Variants in SCNN1B observed in about 807,000 individuals in gnomAD.
The protein encoded by SCNN1B is sodium channel epithelial 1 subunit beta, also known as epithelial sodium channel subunit beta.
Under a neutral mutation model 65.3 loss-of-function variants are expected in SCNN1B, and 46 were observed. That is an observed-to-expected ratio of 0.70 (90% confidence interval 0.56 to 0.90). The LOEUF is 0.90. Among genes scored for constraint, SCNN1B ranks in the 40% least tolerant of loss-of-function variants. SCNN1B has a pLI of 0.00. For missense variants in SCNN1B, 751 were observed against 830.5 expected, an observed-to-expected ratio of 0.90 and a Z score of 1.18; for synonymous variants, 349 against 330.6, an observed-to-expected ratio of 1.06 and a Z score of -0.60.
intron 7 of SCNN1B, chr16:23,372,258 C>T (rs1379369752): frequency 8.8e-6 from 3 of 342,706 alleles, no homozygotes; most frequent in Non-Finnish European, 1.7e-5. Context: ...CTTTCAACTG[C>T]CTCCTGCCAT....
chr16:23,346,200 CTTT>C (rs753802362), intron 1 of SCNN1B, among the ~76,000 whole-genome samples: 27 of 78,002 alleles, frequency 3.5e-4, no homozygotes, highest in African/African-American at 1.5e-3. Context: ...TTTTCCTTTT[CTTT>C]TTTTTTTTTT....
chr16:23,338,976 A>G (rs62029378), intron 1 of SCNN1B, among the ~76,000 whole-genome samples: 21,648 of 152,152 alleles, frequency 0.14, 2,088 homozygotes, highest in African/African-American at 0.28. Context: ...CCCATTCAAG[A>G]TCTAGAATAT....
chr16:23,305,548 A>ATATATAT (rs1961184537), intron 1 of SCNN1B, among the ~76,000 whole-genome samples: 20 of 35,222 alleles, frequency 5.7e-4, no homozygotes, highest in African/African-American at 7.6e-4. Context: ...ATATATATAT[A>ATATATAT]TATATATATA....
chr16:23,305,524 AATATATATATTATATAT>A (rs1261959154), intron 1 of SCNN1B, among the ~76,000 whole-genome samples: 66 of 4,886 alleles, frequency 0.014, 1 homozygote, highest in Admixed American at 0.023. Flanking sequence ...ATCTCTACCA[AATATATATATTATATAT>A]ATATATATAT....
chr16:23,305,428 G>A (rs1209775344), intron 1 of SCNN1B, among the ~76,000 whole-genome samples: 1 of 149,066 alleles, frequency 6.7e-6, no homozygotes, highest in East Asian at 2.0e-4. Flanking sequence ...CAAGGAGGGT[G>A]GGTTGTTTGA....
intron 4 of SCNN1B, among the ~76,000 whole-genome samples, chr16:23,361,628 T>C (rs376233614): frequency 3.3e-5 from 5 of 152,360 alleles, no homozygotes; most frequent in East Asian, 1.9e-4. Flanking sequence ...TAAATTCTTC[T>C]AGCTTTGGCC....
chr16:23,325,968 G>A (rs576890814), intron 1 of SCNN1B, among the ~76,000 whole-genome samples: 79 of 152,016 alleles, frequency 5.2e-4, no homozygotes, highest in South Asian at 8.3e-4. Context: ...TTAGCTACTC[G>A]GGAGACTGAG....
chr16:23,310,290 CAAAAAAAAA>C (rs202228096), intron 1 of SCNN1B, among the ~76,000 whole-genome samples: 25,077 of 93,186 alleles, frequency 0.27, 2,416 homozygotes, highest in Middle Eastern at 0.42. Context: ...TCTGCATGAC[CAAAAAAAAA>C]AAAAAAAAAA....
At chr16:23,322,137 T>C (rs1327838046) in intron 1 of SCNN1B, among the ~76,000 whole-genome samples, 1 of 152,204 alleles carries the variant, frequency 6.6e-6, no homozygotes, top group Non-Finnish European at 1.5e-5. Context: ...TGTTTGTTTG[T>C]TTGTTTTATG....
chr16:23,355,209 G>A, intron 3 of SCNN1B, 90 bp from the exon 4 acceptor site: 1 of 1,327,626 alleles, frequency 7.5e-7, no homozygotes, highest in East Asian at 2.3e-5. Context: ...GCAAAGCACA[G>A]CTCTTGCCCT....
rs1962246672 is a variant in SCNN1B at position 23,348,869 on chromosome 16, G to A, written c.270G>A (p.Met90Ile). 4.3e-6 allele frequency: 7 copies of A among 1,614,112 alleles called. No individual in the cohort carries two copies. Among genetic ancestry groups the A allele is most frequent in the Non-Finnish European group, 5.9e-6 (7 of 1,180,016 alleles). ...CCCTCTCCGTAGGCTTCAAGACCAT[G>A]GACTTCCCTGCCGTCACCATCTGCA... ...SVSLSVGFKT[M>I]DFPAVTICNA... Residue 90 changes from methionine to isoleucine, a missense_variant, in exon 2 of 13, where the codon ATG becomes ATA. Transcript: ENST00000343070. This position sits in a 1 kb window ranked among gnomAD's most constrained non-coding sequence, Gnocchi z 4.5.
chr16:23,351,300 C>G (rs1962303928), intron 2 of SCNN1B, among the ~76,000 whole-genome samples: 1 of 152,144 alleles, frequency 6.6e-6, no homozygotes, highest in Non-Finnish European at 1.5e-5. Context: ...CTCTGGGTTA[C>G]TTATTTTTAT....
At chr16:23,296,344 GC>G (rs1426867337) in intron 2 of SCNN1B, among the ~76,000 whole-genome samples, 15 of 152,252 alleles carry the variant, frequency 9.9e-5, no homozygotes, top group Non-Finnish European at 1.5e-5. Flanking sequence ...CGGGAAATTG[GC>G]CTTTGTATGT....
chr16:23,379,696 C>T (rs1962996774), intron 11 of SCNN1B, among the ~76,000 whole-genome samples: 1 of 152,094 alleles, frequency 6.6e-6, no homozygotes, highest in African/African-American at 2.4e-5. Context: ...ACCCTGATGG[C>T]ACAAAGTGGG....
At chr16:23,331,615 C>T (rs534846777) in intron 1 of SCNN1B, among the ~76,000 whole-genome samples, 24 of 152,260 alleles carry the variant, frequency 1.6e-4, no homozygotes, top group Non-Finnish European at 2.8e-4. Flanking sequence ...CCACCACGCC[C>T]GGCCTCCTGG....
chr16:23,283,369 A>C (rs58187815), intron 1 of SCNN1B, among the ~76,000 whole-genome samples: 6,932 of 152,244 alleles, frequency 0.046, 524 homozygotes, highest in African/African-American at 0.16. Flanking sequence ...CAAGATCACG[A>C]CACTGCACTC....
chr16:23,372,572 G>A (rs142909276), intron 7 of SCNN1B, among the ~76,000 whole-genome samples: 7,788 of 149,300 alleles, frequency 0.052, 686 homozygotes, highest in African/African-American at 0.18. Context: ...TTGGCTCACT[G>A]CAACCTCCGC....
chr16:23,373,891 C>T (rs1353275954), intron 7 of SCNN1B, among the ~76,000 whole-genome samples: 2 of 152,172 alleles, frequency 1.3e-5, no homozygotes, highest in East Asian at 1.9e-4. Context: ...AAGGTACCAG[C>T]CCCAGAAACC....
At chr16:23,281,982 A>G (rs1302628830) in intron 1 of SCNN1B, among the ~76,000 whole-genome samples, 1 of 152,124 alleles carries the variant, frequency 6.6e-6, no homozygotes, top group African/African-American at 2.4e-5. Context: ...GCTTGAGCCC[A>G]GGAGTTCGAG....
Sources: allele counts gnomAD v4.1 joint callset (sites outside exome capture counted in the v4.1 genomes callset), GRCh38; gene constraint gnomAD v4.1.1; non-coding constraint Gnocchi (gnomAD v3.1); transcripts MANE v1.5; gene names NCBI Gene and HGNC (gene_info 2026-07-23, HGNC 2026-07-21).